Variants in DACH1 observed in about 807,000 individuals in gnomAD.
DACH1 encodes dachshund family transcription factor 1.
DACH1 carries 12 observed loss-of-function variants against 54.2 expected under a neutral mutation model. The ratio of observed to expected loss-of-function variants is 0.22; its 90% confidence interval spans 0.14 to 0.36. The LOEUF is 0.36. DACH1 is among the 10% of genes least tolerant of loss of function. The probability of loss-of-function intolerance (pLI) is 1.00; values close to 1 mark genes in which losing one functional copy is unlikely to be tolerated. For missense variants in DACH1, 805 were observed against 929.8 expected (o/e 0.87, Z 1.75); for synonymous variants, 386 against 366.2 (o/e 1.05, Z -0.62).
chr13:71,693,346 A>C (rs1478604102), intron 1 of DACH1, among the ~76,000 whole-genome samples: 2 of 122,178 alleles, frequency 1.6e-5, no homozygotes, highest in East Asian at 2.5e-4. Context: ...TCTGTCGCCC[A>C]GGCTGGAGTG....
intron 1 of DACH1, among the ~76,000 whole-genome samples, chr13:71,741,816 G>A (rs1884399856): frequency 6.6e-6 from 1 of 151,974 alleles, no homozygotes; most frequent in Non-Finnish European, 1.5e-5. Context: ...AAGCCACTTA[G>A]TCAAAGAATG....
intron 4 of DACH1, among the ~76,000 whole-genome samples, chr13:71,570,958 T>TC (rs1273412966): frequency 1.3e-5 from 2 of 152,116 alleles, no homozygotes; most frequent in Non-Finnish European, 2.9e-5. Flanking sequence ...ATAAAATAAA[T>TC]CAAGTATCCT....
intron 1 of DACH1, among the ~76,000 whole-genome samples, chr13:71,814,088 G>T (rs574161811): frequency 6.6e-5 from 10 of 152,264 alleles, no homozygotes; most frequent in Non-Finnish European, 1.5e-5. Context: ...TTATCTGTTG[G>T]CAGAAAGTAA....
intron 4 of DACH1, among the ~76,000 whole-genome samples, chr13:71,564,410 G>T (rs572090957): frequency 6.7e-6 from 1 of 149,958 alleles, no homozygotes; most frequent in Non-Finnish European, 1.5e-5. Context: ...CTTTTGCAAT[G>T]TTCCATCTTT....
At chr13:71,512,848 C>T (rs969455934) in intron 6 of DACH1, among the ~76,000 whole-genome samples, 8 of 151,668 alleles carry the variant, frequency 5.3e-5, no homozygotes, top group African/African-American at 1.9e-4. Context: ...ACAAAAGAAT[C>T]AAGGTATATA....
intron 1 of DACH1, among the ~76,000 whole-genome samples, chr13:71,814,223 G>A (rs1366539779): frequency 6.6e-6 from 1 of 152,120 alleles, no homozygotes; most frequent in African/African-American, 2.4e-5. Context: ...AAACTTTCTG[G>A]TTGCTGCCAC....
intron 1 of DACH1, among the ~76,000 whole-genome samples, chr13:71,689,483 A>G (rs746222134): frequency 5.3e-5 from 8 of 152,238 alleles, no homozygotes; most frequent in Non-Finnish European, 8.8e-5. Flanking sequence ...TATCAAAAAA[A>G]TTAATATCAG....
At chr13:71,654,463 A>ATAAAATAAAG (rs1878942006) in intron 2 of DACH1, among the ~76,000 whole-genome samples, 36 of 72,280 alleles carry the variant, frequency 5.0e-4, no homozygotes, top group African/African-American at 5.6e-4. Context: ...ATAAAGTAAA[A>ATAAAATAAAG]TAAAATAAAA....
intron 1 of DACH1, among the ~76,000 whole-genome samples, chr13:71,826,160 T>C (rs1888371070): frequency 6.6e-6 from 1 of 152,132 alleles, no homozygotes; most frequent in Non-Finnish European, 1.5e-5. Flanking sequence ...TTGCATATAG[T>C]ATATACATAT....
intron 6 of DACH1, among the ~76,000 whole-genome samples, chr13:71,523,512 G>T (rs1881745943): frequency 6.6e-6 from 1 of 152,094 alleles, no homozygotes; most frequent in African/African-American, 2.4e-5. Flanking sequence ...TAGCCAAAGT[G>T]TTTATGTCTT....
chr13:71,519,822 C>T (rs933419402), intron 6 of DACH1, among the ~76,000 whole-genome samples: 2 of 135,612 alleles, frequency 1.5e-5, no homozygotes, highest in African/African-American at 2.6e-5. Context: ...CACCAAATAA[C>T]ACTTCACCAC....
chr13:71,493,760 A>T (rs1879182839), intron 6 of DACH1, among the ~76,000 whole-genome samples: 1 of 152,086 alleles, frequency 6.6e-6, no homozygotes, highest in African/African-American at 2.4e-5. Context: ...TTTATAAAAA[A>T]TTATTTAAGT....
chr13:71,793,457 G>C (rs535559961), intron 1 of DACH1, among the ~76,000 whole-genome samples: 1 of 152,266 alleles, frequency 6.6e-6, no homozygotes, highest in South Asian at 2.1e-4. Context: ...CCTTGCTATA[G>C]ATTGAAGACA....
At chr13:71,656,624 G>C (rs573406884) in intron 2 of DACH1, among the ~76,000 whole-genome samples, 7 of 151,250 alleles carry the variant, frequency 4.6e-5, no homozygotes, top group Non-Finnish European at 5.9e-5. Context: ...AAATATTTTT[G>C]TTAAATTATG....
chr13:71,522,825 T>C (rs1242300385), intron 6 of DACH1, among the ~76,000 whole-genome samples: 1 of 152,120 alleles, frequency 6.6e-6, no homozygotes, highest in African/African-American at 2.4e-5. Flanking sequence ...ACTATTTCGC[T>C]TTTTGATGAA....
chr13:71,806,906 C>T (rs79834457), intron 1 of DACH1, among the ~76,000 whole-genome samples: 1,611 of 152,084 alleles, frequency 0.011, 31 homozygotes, highest in African/African-American at 0.036. Flanking sequence ...TTTCATCAAC[C>T]GATTATGAAT....
intron 6 of DACH1, among the ~76,000 whole-genome samples, chr13:71,540,458 CTT>C (rs1353304828): frequency 5.9e-5 from 9 of 152,060 alleles, no homozygotes; most frequent in Admixed American, 5.9e-4. Flanking sequence ...CAGGATGCCT[CTT>C]TTGTTTTAAC....
At chr13:71,711,122 C>A (rs1002028526) in intron 1 of DACH1, among the ~76,000 whole-genome samples, 3 of 152,098 alleles carry the variant, frequency 2.0e-5, no homozygotes, top group Non-Finnish European at 2.9e-5. Flanking sequence ...AGGCTGGATC[C>A]TTGAAAAATG....
Position 71,599,828 on chromosome 13 carries a change from T to TACACACAC in DACH1, c.1127-26824_1127-26817dup, listed in dbSNP as rs113936121. Reference sequence around the variant, plus strand: ...CTCTTCATACACACAAACACATTTCTACACACACACACACACACACACACA... The same window carrying TACACACAC: ...CTCTTCATACACACAAACACATTTCTACACACACACACACACACACACACACACACACA... On this transcript the variant is annotated intron_variant, in intron 3 of 10. Coordinates refer to ENST00000613252, the MANE Select transcript of DACH1 (RefSeq NM_080759.6). Among the ~76,000 whole-genome samples the TACACACAC allele has an allele frequency of 2.1e-3, 312 of 146,694 alleles. 1 individual carries two copies. Among genetic ancestry groups the TACACACAC allele is most frequent in the African/African-American group, 7.3e-3 (295 of 40,176 alleles).
Sources: gnomAD v4.1 joint callset for allele counts (sites outside exome capture counted in the v4.1 genomes callset) on GRCh38, gnomAD v4.1.1 for gene constraint, MANE v1.5 for transcripts, NCBI Gene and HGNC (gene_info 2026-07-23, HGNC 2026-07-21) for gene names.